Variants in SPIDR observed in about 807,000 individuals in gnomAD.
SPIDR encodes the protein DNA repair-scaffolding protein.
A neutral mutation model predicts 104.6 loss-of-function variants in SPIDR; 93 were observed. The ratio of observed to expected loss-of-function variants is 0.89; its 90% CI spans 0.75 to 1.06. The LOEUF (loss-of-function observed/expected upper bound fraction) is 1.06, where lower values mean the gene tolerates loss of function less well. Ranked by LOEUF, SPIDR falls within the 50% of genes least tolerant of loss-of-function variation. The pLI, the probability that SPIDR is intolerant of heterozygous loss-of-function variation, is 0.00. For missense variants in SPIDR, 1,154 were observed against 1,111.2 expected (o/e 1.04, Z -0.55); for synonymous variants, 431 against 416.9 (o/e 1.03, Z -0.41).
intron 5 of SPIDR, among the ~76,000 whole-genome samples, chr8:47,391,117 A>G (rs1554651688): frequency 6.6e-6 from 1 of 152,178 alleles, no homozygotes; most frequent in Non-Finnish European, 1.5e-5. Context: ...TGTCCGTGGT[A>G]TGAGAGTTCC....
At chr8:47,573,485 AC>A (rs921704360) in intron 8 of SPIDR, among the ~76,000 whole-genome samples, 7 of 151,954 alleles carry the variant, frequency 4.6e-5, no homozygotes, top group African/African-American at 1.4e-4. Flanking sequence ...CCTGCAAGAT[AC>A]CCCCCTGCTG....
intron 8 of SPIDR, among the ~76,000 whole-genome samples, chr8:47,557,792 A>G (rs890759430): frequency 1.3e-5 from 2 of 152,332 alleles, no homozygotes; most frequent in Admixed American, 1.3e-4. Flanking sequence ...AGATACGCAC[A>G]AGACTTTTGT....
chr8:47,678,156 G>A (rs1182372767), intron 11 of SPIDR, among the ~76,000 whole-genome samples: 1 of 152,148 alleles, frequency 6.6e-6, no homozygotes, highest in Admixed American at 6.5e-5. Context: ...GCCAGATTTG[G>A]GGGATTTATC....
At chr8:47,544,074 T>C (rs1311492437) in intron 8 of SPIDR, among the ~76,000 whole-genome samples, 1 of 152,162 alleles carries the variant, frequency 6.6e-6, no homozygotes, top group African/African-American at 2.4e-5. Context: ...GGTTTCTCTG[T>C]GGTCCCTTTG....
At chr8:47,611,153 G>A (rs2063552854) in intron 10 of SPIDR, among the ~76,000 whole-genome samples, 1 of 152,202 alleles carries the variant, frequency 6.6e-6, no homozygotes, top group African/African-American at 2.4e-5. Context: ...CCATGGAGTT[G>A]TGCTACAAAT....
intron 8 of SPIDR, among the ~76,000 whole-genome samples, chr8:47,485,343 CAA>C (rs1438244076): frequency 2.0e-5 from 3 of 152,204 alleles, no homozygotes; most frequent in African/African-American, 7.2e-5. Context: ...AGTAGGTAAA[CAA>C]AGCAGCCAGG....
chr8:47,570,756 ATTCT>A (rs1256565286), intron 8 of SPIDR, among the ~76,000 whole-genome samples: 4 of 152,206 alleles, frequency 2.6e-5, no homozygotes, highest in Non-Finnish European at 4.4e-5. Context: ...ATCTGAAAAG[ATTCT>A]TTCTGCAAAG....
intron 10 of SPIDR, among the ~76,000 whole-genome samples, chr8:47,664,309 G>A (rs1410692978): frequency 6.6e-6 from 1 of 152,172 alleles, no homozygotes; most frequent in African/African-American, 2.4e-5. Flanking sequence ...AGTGGGGGTA[G>A]GTGGGAAGCA....
chr8:47,637,685 TCATC>T, intron 10 of SPIDR, among the ~76,000 whole-genome samples: 1 of 152,358 alleles, frequency 6.6e-6, no homozygotes, highest in Non-Finnish European at 1.5e-5. Context: ...AGTACAGTTT[TCATC>T]ATGTCGTATC....
chr8:47,353,899 G>C (rs1383620339), intron 5 of SPIDR, among the ~76,000 whole-genome samples: 2 of 151,996 alleles, frequency 1.3e-5, no homozygotes, highest in Admixed American at 1.3e-4. Context: ...CATGTTAGGT[G>C]GGTCTGGGAA....
intron 10 of SPIDR, among the ~76,000 whole-genome samples, chr8:47,645,756 T>C (rs536137210): frequency 6.6e-6 from 1 of 152,236 alleles, no homozygotes; most frequent in African/African-American, 2.4e-5. Flanking sequence ...TAGGGAAAGA[T>C]GAACCATTCA....
chr8:47,299,620 G>A (rs1211634233), intron 5 of SPIDR, among the ~76,000 whole-genome samples: 18 of 152,232 alleles, frequency 1.2e-4, no homozygotes, highest in East Asian at 5.8e-4. Context: ...TTTGAGATAC[G>A]TCCCATCAAT....
At chr8:47,515,440 G>A (rs958006148) in intron 8 of SPIDR, among the ~76,000 whole-genome samples, 1 of 152,126 alleles carries the variant, frequency 6.6e-6, no homozygotes, top group South Asian at 2.1e-4. Flanking sequence ...CCTGAGCTTT[G>A]ATGTCCTCTG....
chr8:47,562,899 C>G (rs1307753829), intron 8 of SPIDR, among the ~76,000 whole-genome samples: 1 of 152,172 alleles, frequency 6.6e-6, no homozygotes, highest in East Asian at 1.9e-4. Context: ...CTTTATCTCT[C>G]TCTTGAGAAA....
chr8:47,360,952 G>T, intron 5 of SPIDR: 2 of 985,112 alleles, frequency 2.0e-6, no homozygotes, highest in Non-Finnish European at 1.2e-6. Context: ...AGTGTATGGT[G>T]AGCATTCACA....
At chr8:47,362,928 C>G (rs1001306587) in intron 5 of SPIDR, among the ~76,000 whole-genome samples, 1 of 152,196 alleles carries the variant, frequency 6.6e-6, no homozygotes, top group African/African-American at 2.4e-5. Context: ...GCTGGGATTA[C>G]AGGCGTGAGC....
At position 47,526,802 on chromosome 8, in the gene SPIDR, G is replaced by T. The variant is rs547642771; in HGVS notation, c.1098-69009G>T. Among the ~76,000 whole-genome samples the T allele has an allele frequency of 2.6e-4, 39 of 152,320 alleles. No homozygotes were observed. In the South Asian group the frequency reaches 7.0e-3, roughly 27 times the overall value. ...ATTCCTGTCTTCACAATAAGAAAAA[G>T]TTGAACAAACTAAAAATCAATGGTT... On this transcript the variant is annotated intron_variant, in intron 8 of 19. Coordinates refer to ENST00000297423, the MANE Select transcript of SPIDR (RefSeq NM_001080394.4).
intron 8 of SPIDR, chr8:47,527,893 G>C (rs533331472): frequency 6.6e-6 from 1 of 152,188 alleles, no homozygotes; most frequent in Non-Finnish European, 1.5e-5. Flanking sequence ...ACTTTTACCA[G>C]TGGTATATCT....
chr8:47,440,342 A>G lies in SPIDR; in HGVS notation c.897A>G (p.Leu299=), dbSNP rs373942598. ...KTLSGRKSGV[L]TVKILELHEE... ...TTCTAGGTAGAAAATCTGGTGTATT[A>G]ACTGTGAAAATTTTAGAGCTGCATG... The change falls in exon 8 of 20, where the codon TTA becomes TTG. Residue 299 remains leucine (L), a synonymous_variant. Transcript: ENST00000297423. 12 of 1,614,092 alleles carry G rather than the reference A, an allele frequency of 7.4e-6. No individual in the cohort carries two copies. The highest frequency in any genetic ancestry group is 1.0e-5 in the Non-Finnish European group (12 of 1,180,000).
Sources: gnomAD v4.1 joint callset for allele counts (sites outside exome capture counted in the v4.1 genomes callset) on GRCh38, gnomAD v4.1.1 for gene constraint, MANE v1.5 for transcripts, NCBI Gene and HGNC (gene_info 2026-07-23, HGNC 2026-07-21) for gene names.